VGLL4: variants seen among roughly 807,000 people sequenced by gnomAD.
The protein encoded by VGLL4 is vestigial like family member 4.
VGLL4 carries 7 observed loss-of-function variants against 21.0 expected under a neutral mutation model. The observed-to-expected ratio is 0.33, with a 90% CI of 0.19 to 0.63. The LOEUF (loss-of-function observed/expected upper bound fraction) is 0.63, where lower values mean the gene tolerates loss of function less well. VGLL4 is among the 20% of genes least tolerant of loss of function. The pLI is 0.78. For synonymous variants in VGLL4, 222 were observed against 173.2 expected, an observed-to-expected ratio of 1.28 and a Z score of -2.21; for missense variants, 394 against 425.7, an observed-to-expected ratio of 0.93 and a Z score of 0.66.
chr3:11,631,246 C>T (rs976385184), intron 1 of VGLL4, among the ~76,000 whole-genome samples: 1 of 150,016 alleles, frequency 6.7e-6, no homozygotes, highest in South Asian at 2.2e-4. Flanking sequence ...GGCTCAGGGG[C>T]GATGAGAATG....
chr3:11,612,080 C>T (rs2075074032), intron 1 of VGLL4: 1 of 151,988 alleles, frequency 6.6e-6, no homozygotes, highest in Non-Finnish European at 1.5e-5. Context: ...GAAATTATGT[C>T]TATAATTCTC....
chr3:11,571,413 G>A (rs1575391884), intron 2 of VGLL4, among the ~76,000 whole-genome samples: 1 of 152,248 alleles, frequency 6.6e-6, no homozygotes, highest in Non-Finnish European at 1.5e-5. Flanking sequence ...GCCAGGTGCA[G>A]TGACTCACGC....
At chr3:11,600,962 A>ACCGCCCTCACCACTGTAC (rs2074779554) in intron 2 of VGLL4, among the ~76,000 whole-genome samples, 6 of 151,956 alleles carry the variant, frequency 3.9e-5, no homozygotes, top group Admixed American at 3.9e-4. Flanking sequence ...AAGAACACCA[A>ACCGCCCTCACCACTGTAC]CCGCCCTCAC....
chr3:11,581,873 G>A (rs925335488), intron 2 of VGLL4, among the ~76,000 whole-genome samples: 1 of 152,200 alleles, frequency 6.6e-6, no homozygotes, highest in Non-Finnish European at 1.5e-5. Context: ...TGTACTCCCC[G>A]AATCAGCAGC....
In VGLL4 at chr3:11,601,979, C is replaced by T. The variant is rs140210901; in HGVS notation, c.126G>A (p.Pro42=). 7,158 of 1,604,594 alleles carry T rather than the reference C, an allele frequency of 4.5e-3. 26 individuals carry two copies. Among genetic ancestry groups the T allele is most frequent in the Non-Finnish European group, 5.0e-3 (5,936 of 1,176,684 alleles). The change falls in exon 2 of 5, where the codon CCG becomes CCA. Residue 42 remains proline (P), a synonymous_variant. Transcript: ENST00000430365. ...LRGEPRIQTL[P]VASALSSHRT... ...GGTGACTGCTGAGGGCAGAGGCCAC[C>T]GGCAGGGTCTGTATTCTGGGTTCTC...
At position 11,557,016 on chromosome 3, in the gene VGLL4, G is replaced by T. The variant is rs150193137; in HGVS notation, c.*1540C>A. ...AAAACTGTAAAACCGGGGGTCATACGGTGTGCAGAGTCCACAAAGCCTTGC... is the reference window on the plus strand; with the variant it reads ...AAAACTGTAAAACCGGGGGTCATACTGTGTGCAGAGTCCACAAAGCCTTGC... On this transcript the variant is annotated 3_prime_UTR_variant, in exon 5 of 5. Coordinates refer to ENST00000430365, the MANE Select transcript of VGLL4 (RefSeq NM_001128219.3). 1 of 152,418 alleles carries T rather than the reference G, an allele frequency of 6.6e-6. No homozygotes were observed. Among genetic ancestry groups the T allele is most frequent in the Non-Finnish European group, 1.5e-5 (1 of 68,048 alleles). 9.4% of individuals were successfully genotyped at this position (152,418 alleles called of 1,614,324 possible).
chr3:11,637,191 C>T (rs55910165), intron 1 of VGLL4, among the ~76,000 whole-genome samples: 17 of 152,088 alleles, frequency 1.1e-4, no homozygotes, highest in Non-Finnish European at 1.9e-4. Context: ...CTGGAAGGGG[C>T]GATTTACTAT....
chr3:11,690,622 C>T (rs1023792396), intron 2 of VGLL4, among the ~76,000 whole-genome samples: 10 of 151,640 alleles, frequency 6.6e-5, no homozygotes, highest in African/African-American at 2.4e-4. Context: ...AAAGAAAAGA[C>T]GTTTAAGCAA....
At chr3:11,622,854 C>G (rs564188774) in intron 1 of VGLL4, among the ~76,000 whole-genome samples, 1 of 152,302 alleles carries the variant, frequency 6.6e-6, no homozygotes, top group South Asian at 2.1e-4. Flanking sequence ...GATGTGAGCT[C>G]ATGTAACTGA....
chr3:11,686,053 T>C (rs1404239639), intron 2 of VGLL4, among the ~76,000 whole-genome samples: 1 of 152,176 alleles, frequency 6.6e-6, no homozygotes, highest in East Asian at 1.9e-4. Context: ...TTGGTGAGGA[T>C]GTGGAGAAAT....
intron 1 of VGLL4, among the ~76,000 whole-genome samples, chr3:11,622,122 A>G (rs1226743923): frequency 6.6e-6 from 1 of 152,230 alleles, no homozygotes; most frequent in African/African-American, 2.4e-5. Flanking sequence ...TATTATAGTT[A>G]CCTACAGCCT....
At chr3:11,656,592 G>C (rs1266835505) in intron 2 of VGLL4, among the ~76,000 whole-genome samples, 1 of 152,154 alleles carries the variant, frequency 6.6e-6, no homozygotes, top group Non-Finnish European at 1.5e-5. Context: ...CAGTAGCTGA[G>C]GTCAGTAACT....
chr3:11,584,923 T>TCCACCACCACCA (rs150855339), intron 2 of VGLL4, among the ~76,000 whole-genome samples: 4 of 151,302 alleles, frequency 2.6e-5, no homozygotes, highest in Non-Finnish European at 4.4e-5. Flanking sequence ...CACCCAGGGA[T>TCCACCACCACCA]CCACCACCAC....
intron 2 of VGLL4, among the ~76,000 whole-genome samples, chr3:11,573,180 G>C (rs2073840695): frequency 6.6e-6 from 1 of 150,566 alleles, no homozygotes; most frequent in Non-Finnish European, 1.5e-5. Flanking sequence ...AAGAAAGACA[G>C]ACAGACAGAC....
intron 2 of VGLL4, among the ~76,000 whole-genome samples, chr3:11,657,971 G>A (rs1405545690): frequency 1.3e-5 from 2 of 152,106 alleles, no homozygotes; most frequent in Non-Finnish European, 2.9e-5. Context: ...TGTTGCCCAG[G>A]CTGTAGTGCA....
chr3:11,577,856 C>T (rs769739513), intron 2 of VGLL4, among the ~76,000 whole-genome samples: 54 of 152,184 alleles, frequency 3.5e-4, no homozygotes, highest in Non-Finnish European at 6.9e-4. Flanking sequence ...CTTATTTCCT[C>T]GTCCAACTAC....
At chr3:11,697,604 A>G (rs1227535472) in intron 2 of VGLL4, among the ~76,000 whole-genome samples, 1 of 74,080 alleles carries the variant, frequency 1.3e-5, no homozygotes, top group Non-Finnish European at 2.9e-5. Flanking sequence ...TTGAGGAAAG[A>G]AATCATAAGA....
intron 2 of VGLL4, among the ~76,000 whole-genome samples, chr3:11,701,042 G>C (rs142138580): frequency 2.0e-5 from 3 of 152,174 alleles, no homozygotes; most frequent in Non-Finnish European, 2.9e-5. Flanking sequence ...TGTAGGGGTG[G>C]TGGCAGGAGG....
At chr3:11,647,033 C>A (rs992559152), upstream of VGLL4, among the ~76,000 whole-genome samples, 1 of 152,192 alleles carries the variant, frequency 6.6e-6, no homozygotes, top group South Asian at 2.1e-4. Flanking sequence ...AGTTATAGGG[C>A]TGCATTACAT....
Sources: allele counts gnomAD v4.1 joint callset (sites outside exome capture counted in the v4.1 genomes callset), GRCh38; gene constraint gnomAD v4.1.1; transcripts MANE v1.5; gene names NCBI Gene and HGNC (gene_info 2026-07-23, HGNC 2026-07-21).